The following GAP43 variants were observed in gnomAD, a reference collection of about 807,000 sequenced individuals.
GAP43 encodes growth associated protein 43.
A neutral mutation model predicts 18.6 loss-of-function variants in GAP43; 6 were observed. That is an observed-to-expected ratio of 0.32 (90% confidence interval 0.18 to 0.64). The LOEUF (loss-of-function observed/expected upper bound fraction) is 0.64. Ranked by LOEUF, GAP43 falls within the 30% of genes least tolerant of loss-of-function variation. The probability of loss-of-function intolerance (pLI) is 0.78; values close to 1 mark genes in which losing one functional copy is unlikely to be tolerated. For missense variants in GAP43, 292 were observed against 295.5 expected, an observed-to-expected ratio of 0.99 and a Z score of 0.09; for synonymous variants, 115 against 111.4, an observed-to-expected ratio of 1.03 and a Z score of -0.20.
chr3:115,625,885 G>GGAATATAA (rs1281012072), intron 1 of GAP43, among the ~76,000 whole-genome samples: 2 of 152,154 alleles, frequency 1.3e-5, no homozygotes, highest in African/African-American at 4.8e-5. Context: ...GCCTCTCTGT[G>GGAATATAA]TTTTAGCATC....
chr3:115,651,761 G>A (rs1708521334), intron 1 of GAP43, among the ~76,000 whole-genome samples: 1 of 151,892 alleles, frequency 6.6e-6, no homozygotes, highest in African/African-American at 2.4e-5. Flanking sequence ...CTTTCCCTGA[G>A]GTCCTTGGTG....
chr3:115,704,159 A>T (rs1351914518), intron 2 of GAP43, among the ~76,000 whole-genome samples: 2 of 152,082 alleles, frequency 1.3e-5, no homozygotes, highest in Non-Finnish European at 2.9e-5. Context: ...ACAATATTTT[A>T]AAAATTAACT....
At chr3:115,640,946 T>TCTCC (rs1003451678) in intron 1 of GAP43, among the ~76,000 whole-genome samples, 1 of 145,736 alleles carries the variant, frequency 6.9e-6, no homozygotes, top group Non-Finnish European at 1.5e-5. Context: ...TCTCTTTCTT[T>TCTCC]CTCCCTCCCT....
At chr3:115,643,443 G>T (rs567328027) in intron 1 of GAP43, among the ~76,000 whole-genome samples, 9 of 152,056 alleles carry the variant, frequency 5.9e-5, no homozygotes, top group Non-Finnish European at 1.3e-4. Context: ...TCCATTTCAG[G>T]TTCTATTGCT....
chr3:115,638,033 G>A (rs561050706), intron 1 of GAP43, among the ~76,000 whole-genome samples: 1 of 152,076 alleles, frequency 6.6e-6, no homozygotes, highest in East Asian at 1.9e-4. Flanking sequence ...AAAGAAATAT[G>A]TCTTGACTCT....
chr3:115,696,048 C>T (rs1193124148), intron 2 of GAP43, among the ~76,000 whole-genome samples: 3 of 151,952 alleles, frequency 2.0e-5, no homozygotes, highest in African/African-American at 4.8e-5. Context: ...CTTTTCTCTT[C>T]TACATTCTCT....
intron 1 of GAP43, among the ~76,000 whole-genome samples, chr3:115,632,737 A>C (rs1438370497): frequency 6.6e-6 from 1 of 152,188 alleles, no homozygotes; most frequent in Middle Eastern, 3.2e-3. Flanking sequence ...ATATTTTCCC[A>C]AAATACTTTT....
chr3:115,712,415 C>CT (rs1177183666), intron 2 of GAP43, among the ~76,000 whole-genome samples: 1 of 139,234 alleles, frequency 7.2e-6, no homozygotes, highest in Non-Finnish European at 1.5e-5. Context: ...GGAAGAATTG[C>CT]TTTTTTTCCT....
chr3:115,688,920 G>A (rs533918567), intron 2 of GAP43, among the ~76,000 whole-genome samples: 3 of 152,326 alleles, frequency 2.0e-5, no homozygotes, highest in Admixed American at 2.0e-4. Flanking sequence ...AGCCTAGGAG[G>A]CCTCATATGA....
intron 2 of GAP43, among the ~76,000 whole-genome samples, chr3:115,694,412 TACTC>T (rs1462999035): frequency 2.6e-5 from 4 of 152,258 alleles, no homozygotes; most frequent in African/African-American, 9.6e-5. Context: ...AGCTTTGAAT[TACTC>T]AGTCTTTGGT....
At chr3:115,710,132 A>C (rs1443444009) in intron 2 of GAP43, among the ~76,000 whole-genome samples, 2 of 152,172 alleles carry the variant, frequency 1.3e-5, no homozygotes, top group East Asian at 1.9e-4. Flanking sequence ...TAAAGTGCTG[A>C]TTCACTATAA....
chr3:115,680,168 A>G (rs1477087661), intron 2 of GAP43, among the ~76,000 whole-genome samples: 1 of 152,106 alleles, frequency 6.6e-6, no homozygotes, highest in African/African-American at 2.4e-5. Context: ...TGAATAAGAT[A>G]TGATTTTTTG....
rs569469950 is a variant in GAP43, at chr3:115,646,005, A to T, written c.30+22286A>T. Among the ~76,000 whole-genome samples, 5 of 152,248 alleles carry T rather than the reference A, an allele frequency of 3.3e-5. No individual in the cohort carries two copies. The East Asian group carries it at 7.7e-4, about 24-fold the overall frequency. The stretch of plus-strand genomic sequence containing the variant: ...GGAACTTTGATTTAGTAATAATTTT[A>T]AAAAATTAAGTGTTGGACTAAGTTT... On this transcript the variant is annotated intron_variant, in intron 1 of 2. Transcript: ENST00000305124.
intron 1 of GAP43, among the ~76,000 whole-genome samples, chr3:115,667,033 C>T (rs1490442071): frequency 1.3e-5 from 2 of 152,166 alleles, no homozygotes; most frequent in African/African-American, 4.8e-5. Context: ...CGAGAACACC[C>T]AGCCAGTGAG....
At chr3:115,638,825 A>G (rs1226801471) in intron 1 of GAP43, among the ~76,000 whole-genome samples, 2 of 150,532 alleles carry the variant, frequency 1.3e-5, no homozygotes, top group African/African-American at 2.4e-5. Context: ...CTTTATGGAG[A>G]CTCTCTGATC....
intron 2 of GAP43, among the ~76,000 whole-genome samples, chr3:115,688,664 T>A (rs1709065376): frequency 2.0e-5 from 3 of 152,148 alleles, no homozygotes; most frequent in Admixed American, 1.3e-4. Context: ...AATTCTTATT[T>A]AACTCCGCGG....
At chr3:115,658,687 A>C (rs937748517) in intron 1 of GAP43, 3 of 152,352 alleles carry the variant, frequency 2.0e-5, no homozygotes, top group Middle Eastern at 3.4e-3. Flanking sequence ...CCAACTCCGC[A>C]GACCTCCGGG....
intron 1 of GAP43, among the ~76,000 whole-genome samples, chr3:115,628,963 G>T (rs1012334926): frequency 6.6e-6 from 1 of 152,188 alleles, no homozygotes; most frequent in East Asian, 1.9e-4. Context: ...ACCCAACTCA[G>T]TGTCTTCTGT....
intron 2 of GAP43, among the ~76,000 whole-genome samples, chr3:115,698,816 G>A (rs527989811): frequency 6.6e-6 from 1 of 152,048 alleles, no homozygotes; most frequent in Non-Finnish European, 1.5e-5. Flanking sequence ...ACAAAATATG[G>A]TTGTACATAT....
Sources: gnomAD v4.1 joint callset for allele counts (sites outside exome capture counted in the v4.1 genomes callset) on GRCh38, gnomAD v4.1.1 for gene constraint, MANE v1.5 for transcripts, NCBI Gene and HGNC (gene_info 2026-07-23, HGNC 2026-07-21) for gene names.